Variants in TP53INP1 observed in about 807,000 individuals in gnomAD.
The protein encoded by TP53INP1 is tumor protein p53-inducible nuclear protein 1.
In TP53INP1, 12 loss-of-function variants were observed where a neutral mutation model predicts 21.0. The ratio of observed to expected loss-of-function variants is 0.57; its 90% CI spans 0.37 to 0.93. The LOEUF (loss-of-function observed/expected upper bound fraction) is 0.93. TP53INP1 is among the 40% of genes least tolerant of loss of function. The pLI is 0.01. For missense variants in TP53INP1, 274 were observed against 294.7 expected (o/e 0.93, Z 0.51); for synonymous variants, 91 against 94.8 (o/e 0.96, Z 0.23).
chr8:94,935,119 G>GCAGATAGATA (rs1563725561), intron 3 of TP53INP1, among the ~76,000 whole-genome samples: 1 of 115,794 alleles, frequency 8.6e-6, no homozygotes, highest in Admixed American at 9.3e-5. Context: ...AGGTACATAG[G>GCAGATAGATA]TAGATAGATA....
chr8:94,935,128 T>TATATATAGATAGATAGATAG (rs1554630990), intron 3 of TP53INP1, among the ~76,000 whole-genome samples: 1 of 144,640 alleles, frequency 6.9e-6, no homozygotes, highest in Non-Finnish European at 1.5e-5. Context: ...GGTAGATAGA[T>TATATATAGATAGATAGATAG]ATAGATAGAT....
intron 1 of TP53INP1, among the ~76,000 whole-genome samples, chr8:94,942,870 C>G (rs1821677928): frequency 6.6e-6 from 1 of 152,062 alleles, no homozygotes; most frequent in Non-Finnish European, 1.5e-5. Context: ...GGGAGGGTCA[C>G]AATAGCAGGC....
At position 94,929,418 on chromosome 8, in the gene TP53INP1, TAAAAAAAA is replaced by T. The variant is rs77909682; in HGVS notation, c.*1053_*1060del. Reference sequence around the variant, plus strand: ...AAGAATACTTACAATACAAGGCAATTAAAAAAAAAAAAAGAAAAAAGTTGAGCCAACCT... The same window carrying T: ...AAGAATACTTACAATACAAGGCAATTAAAAAGAAAAAAGTTGAGCCAACCT... On this transcript the variant is annotated 3_prime_UTR_variant, in exon 4 of 4. Coordinates refer to ENST00000342697, the MANE Select transcript of TP53INP1 (RefSeq NM_033285.4). 7.1e-6 allele frequency: 1 copy of T among 140,178 alleles called. No homozygotes were observed. Among genetic ancestry groups the T allele is most frequent in the Admixed American group, 7.2e-5 (1 of 13,940 alleles). 8.7% of individuals were successfully genotyped at this position (140,178 alleles called of 1,614,324 possible).
rs564267444 is a variant in TP53INP1, at chr8:94,928,362, G to A, written c.*2117C>T. On this transcript the variant is annotated 3_prime_UTR_variant, in exon 4 of 4. Coordinates refer to ENST00000342697, the MANE Select transcript of TP53INP1 (RefSeq NM_033285.4). ...TACATGCAATGTATGAAAAAGAGAC[G>A]CCGTGTATTCAGAGTTTTACATCCT... 16 of 152,284 alleles carry A rather than the reference G, an allele frequency of 1.1e-4. No homozygotes were observed. Among genetic ancestry groups the A allele is most frequent in the African/African-American group, 2.4e-4 (10 of 41,544 alleles). 9.4% of individuals were successfully genotyped at this position (152,284 alleles called of 1,614,324 possible).
intron 1 of TP53INP1, among the ~76,000 whole-genome samples, chr8:94,946,348 A>T (rs1821989693): frequency 1.3e-5 from 2 of 152,056 alleles, no homozygotes; most frequent in South Asian, 4.2e-4. Context: ...TTGTTAGCAT[A>T]ATTTATTTTG....
rs778413054 is a variant in TP53INP1 at position 94,930,725 on chromosome 8, C to T, written c.477G>A (p.Val159=). The T allele has an allele frequency of 3.7e-6, 6 of 1,613,252 alleles. No homozygotes were observed. Among genetic ancestry groups the T allele is most frequent in the Non-Finnish European group, 5.1e-6 (6 of 1,179,568 alleles). Residue 159 remains valine (V), a synonymous_variant, in exon 4 of 4, where the codon GTG becomes GTA. Coordinates refer to ENST00000342697, the MANE Select transcript of TP53INP1 (RefSeq NM_033285.4). The stretch of plus-strand genomic sequence containing the variant: ...GCTGCCCCATTTCATTTTGAGCTTC[C>T]ACTCTGAAACAGAAAAAAGTGGGGA... ...DELHSPSSPR[V]EAQNEMGQHI... is the part of the protein sequence containing the mutation.
intron 3 of TP53INP1, among the ~76,000 whole-genome samples, chr8:94,933,840 G>C (rs575791548): frequency 4.0e-5 from 6 of 148,602 alleles, no homozygotes; most frequent in East Asian, 2.0e-4. Context: ...TTTGTGGGGG[G>C]GGGGGGAGGA....
At chr8:94,937,877 C>A (rs1479491909) in intron 3 of TP53INP1, among the ~76,000 whole-genome samples, 1 of 152,138 alleles carries the variant, frequency 6.6e-6, no homozygotes, top group Non-Finnish European at 1.5e-5. Flanking sequence ...ACCTATGTCA[C>A]CTTACCCTAT....
chr8:94,944,393 C>T (rs562546739), intron 1 of TP53INP1, among the ~76,000 whole-genome samples: 1 of 152,334 alleles, frequency 6.6e-6, no homozygotes, highest in South Asian at 2.1e-4. Context: ...CAAATTGCCC[C>T]CTCTGGCCAC....
intron 1 of TP53INP1, among the ~76,000 whole-genome samples, chr8:94,942,584 C>T (rs1821648410): frequency 6.6e-6 from 1 of 152,208 alleles, no homozygotes; most frequent in Non-Finnish European, 1.5e-5. Flanking sequence ...AACTATTATT[C>T]TACATGTATT....
intron 1 of TP53INP1, among the ~76,000 whole-genome samples, chr8:94,946,512 G>A (rs1822003290): frequency 6.6e-6 from 1 of 151,456 alleles, no homozygotes; most frequent in Admixed American, 6.6e-5. Flanking sequence ...ACCAGCCTGG[G>A]CAACAAAGCA....
At chr8:94,945,837 G>A (rs1052674884) in intron 1 of TP53INP1, among the ~76,000 whole-genome samples, 10 of 152,196 alleles carry the variant, frequency 6.6e-5, no homozygotes, top group African/African-American at 2.4e-4. Context: ...TTTAACCAGC[G>A]TCAGTCCAGC....
At position 94,940,900 on chromosome 8, in the gene TP53INP1, A is replaced by C; in HGVS notation, c.42T>G (p.Ser14Arg). The change falls in exon 2 of 4, where the codon AGT becomes AGG. Residue 14 changes from serine to arginine, a missense_variant. Physicochemically the swap from Ser to Arg is moderately radical, Grantham distance 110 (BLOSUM62 -1). Coordinates refer to ENST00000342697, the MANE Select transcript of TP53INP1 (RefSeq NM_033285.4). ...ATTCTGGTTCTTGGTTGGAGGAAGA[A>C]CTGACTTCACCCACAAACATTTTAT... The part of the protein sequence containing the change: ...RLNKMFVGEV[S>R]SSSNQEPEFN... The C allele has an allele frequency of 6.2e-7, 1 of 1,613,980 alleles. No individual in the cohort carries two copies. The highest frequency in any genetic ancestry group is 8.5e-7 in the Non-Finnish European group (1 of 1,179,950).
At chr8:94,935,696 T>C (rs765732353) in intron 3 of TP53INP1, among the ~76,000 whole-genome samples, 1 of 152,202 alleles carries the variant, frequency 6.6e-6, no homozygotes, top group East Asian at 1.9e-4. Context: ...TACTGTGGTA[T>C]CAAGATCTAT....
intron 1 of TP53INP1, among the ~76,000 whole-genome samples, chr8:94,946,207 A>G (rs145378695): frequency 1.3e-5 from 2 of 151,988 alleles, no homozygotes; most frequent in East Asian, 1.9e-4. Context: ...TTTATCATCA[A>G]TGGTTTTCAT....
intron 2 of TP53INP1, 142 bp from the exon 3 acceptor site, chr8:94,940,362 C>T: frequency 1.1e-6 from 1 of 931,052 alleles, no homozygotes; most frequent in African/African-American, 1.6e-5. Flanking sequence ...TTAGCTGATG[C>T]TCACGTATCT....
rs775938182 is a variant in TP53INP1, at chr8:94,940,199, G to T, written c.134C>A (p.Ala45Glu). The change falls in exon 3 of 4, where the codon GCA (alanine) becomes GAA (glutamate). Residue 45 changes from alanine (A) to glutamate (E), a missense_variant. Coordinates refer to ENST00000342697, the MANE Select transcript of TP53INP1 (RefSeq NM_033285.4). Reference protein sequence around the residue: ...DFIDTCTGFSAEEEEEEEDIS... With the variant: ...DFIDTCTGFSEEEEEEEEDIS... ...GTCCTCCTCTTCTTCTTCTTCTTCTGCTGAGAAACCAGTGCAAGTATCTAG... is the reference window on the plus strand; with the variant it reads ...GTCCTCCTCTTCTTCTTCTTCTTCTTCTGAGAAACCAGTGCAAGTATCTAG... 25 of 1,611,654 alleles carry T rather than the reference G, an allele frequency of 1.6e-5. No homozygotes were observed. The highest frequency in any genetic ancestry group is 2.0e-5 in the Non-Finnish European group (24 of 1,178,604).
rs1170690094 is a variant in TP53INP1 at position 94,929,144 on chromosome 8, A to G, written c.*1335T>C. On this transcript the variant is annotated 3_prime_UTR_variant, in exon 4 of 4. Transcript: ENST00000342697. ...GGCCTCATTAGCACCAACACTGTGAAGAACAGCTGTGGCAGAGAAAGTGCC... is the reference window on the plus strand; with the variant it reads ...GGCCTCATTAGCACCAACACTGTGAGGAACAGCTGTGGCAGAGAAAGTGCC... 1 of 152,640 alleles carries G rather than the reference A, an allele frequency of 6.6e-6. No individual in the cohort carries two copies. The highest frequency in any genetic ancestry group is 2.4e-5 in the African/African-American group (1 of 41,442). The allele number at this position is 152,640 out of a possible 1,614,324, so 9.5% of individuals were successfully genotyped here.
chr8:94,932,641 A>C (rs1347424653), intron 3 of TP53INP1, among the ~76,000 whole-genome samples: 1 of 152,088 alleles, frequency 6.6e-6, no homozygotes, highest in African/African-American at 2.4e-5. Flanking sequence ...GTCTCTACTA[A>C]AAATACAAAA....
Sources: allele counts gnomAD v4.1 joint callset (sites outside exome capture counted in the v4.1 genomes callset), GRCh38; gene constraint gnomAD v4.1.1; transcripts MANE v1.5; gene names NCBI Gene and HGNC (gene_info 2026-07-23, HGNC 2026-07-21).